ZRANB3: variants seen among roughly 807,000 people sequenced by gnomAD.
ZRANB3 encodes the protein zinc finger RANBP2-type containing 3.
In ZRANB3, 125 loss-of-function variants were observed where a neutral mutation model predicts 133.8. That is an observed-to-expected ratio of 0.93 (90% CI 0.81 to 1.08). The LOEUF (loss-of-function observed/expected upper bound fraction) is 1.08. ZRANB3 is among the 50% of genes least tolerant of loss of function. The pLI, the probability that ZRANB3 is intolerant of heterozygous loss-of-function variation, is 0.00. For missense variants in ZRANB3, 1,229 were observed against 1,275.5 expected (o/e 0.96, Z 0.56); for synonymous variants, 387 against 432.7 (o/e 0.89, Z 1.31).
intron 10 of ZRANB3, chr2:135,271,356 CAA>C (rs771405873): frequency 6.4e-6 from 3 of 471,786 alleles, no homozygotes; most frequent in African/African-American, 6.0e-5. Flanking sequence ...AGTCCTGAGA[CAA>C]GAGTTCTTTT....
At chr2:135,350,513 G>T (rs1000751677) in intron 4 of ZRANB3, among the ~76,000 whole-genome samples, 1 of 152,154 alleles carries the variant, frequency 6.6e-6, no homozygotes, top group Non-Finnish European at 1.5e-5. Flanking sequence ...TATGCACCTA[G>T]GATCATGCAT....
intron 8 of ZRANB3, among the ~76,000 whole-genome samples, chr2:135,306,220 T>C (rs1362140076): frequency 3.3e-5 from 5 of 152,180 alleles, no homozygotes; most frequent in Non-Finnish European, 7.4e-5. Context: ...ATTTAAATAT[T>C]TGGACACTTT....
chr2:135,332,798 C>T (rs1684208536), intron 6 of ZRANB3, among the ~76,000 whole-genome samples: 1 of 152,216 alleles, frequency 6.6e-6, no homozygotes, highest in Admixed American at 6.5e-5. Flanking sequence ...AGTCAACTGA[C>T]TCCTCTAATT....
chr2:135,372,825 C>A (rs1032236367), intron 3 of ZRANB3, among the ~76,000 whole-genome samples: 1 of 148,364 alleles, frequency 6.7e-6, no homozygotes, highest in East Asian at 2.0e-4. Flanking sequence ...GTGGATCACA[C>A]GGATAATCCT....
intron 1 of ZRANB3, among the ~76,000 whole-genome samples, chr2:135,529,544 C>A (rs536254546): frequency 1.3e-5 from 2 of 152,002 alleles, no homozygotes; most frequent in Non-Finnish European, 2.9e-5. Context: ...CTCTGTCACC[C>A]GAGGCTGGAG....
chr2:135,271,931 T>C, intron 9 of ZRANB3, 44 bp from the exon 10 acceptor site: 2 of 1,539,160 alleles, frequency 1.3e-6, no homozygotes, highest in Non-Finnish European at 1.7e-6. Flanking sequence ...CAAGGCCCTA[T>C]GTACCCATCT....
Position 135,430,951 on chromosome 2 carries a change from T to C in ZRANB3, c.162-40131A>G, listed in dbSNP as rs148738750. Among the ~76,000 whole-genome samples the C allele has an allele frequency of 1.4e-3, 215 of 152,174 alleles. 1 individual carries two copies. Among genetic ancestry groups the C allele is most frequent in the African/African-American group, 5.0e-3 (209 of 41,538 alleles). On this transcript the variant is annotated intron_variant, in intron 2 of 20. Transcript: ENST00000264159. The stretch of plus-strand genomic sequence containing the variant: ...AAACACAGATCTATATGTAAAACTA[T>C]AGCAAAAACGGTACAACTTGTGAAA...
intron 8 of ZRANB3, among the ~76,000 whole-genome samples, chr2:135,301,115 A>G (rs1234024606): frequency 6.6e-6 from 1 of 151,806 alleles, no homozygotes; most frequent in Non-Finnish European, 1.5e-5. Context: ...GGCTCAAGTG[A>G]TCCTTCCACC....
intron 11 of ZRANB3, 54 bp downstream of exon 11, chr2:135,268,908 T>C: frequency 1.3e-6 from 2 of 1,505,132 alleles, no homozygotes; most frequent in Non-Finnish European, 1.8e-6. Flanking sequence ...TAACTCACAT[T>C]GGCTATGGTT....
intron 15 of ZRANB3, among the ~76,000 whole-genome samples, chr2:135,219,848 C>G (rs1412063652): frequency 6.6e-6 from 1 of 152,114 alleles, no homozygotes; most frequent in South Asian, 2.1e-4. Context: ...TCCCATCAAT[C>G]GGTGCACAAC....
chr2:135,209,007 C>T, intron 17 of ZRANB3, 29 bp from the exon 18 acceptor site: 1 of 1,588,026 alleles, frequency 6.3e-7, no homozygotes, highest in South Asian at 1.1e-5. Context: ...AAATAGATTC[C>T]CTCTATCTCA....
intron 2 of ZRANB3, among the ~76,000 whole-genome samples, chr2:135,471,070 G>A (rs568982223): frequency 9.3e-5 from 14 of 150,978 alleles, no homozygotes; most frequent in African/African-American, 3.4e-4. Flanking sequence ...CAAAGTGCTG[G>A]GATTACAGGG....
chr2:135,263,109 C>A (rs187764114), intron 12 of ZRANB3, among the ~76,000 whole-genome samples: 20 of 152,224 alleles, frequency 1.3e-4, no homozygotes, highest in African/African-American at 4.8e-4. Flanking sequence ...CATATCCATT[C>A]TTCTCTCCCA....
chr2:135,242,987 C>T (rs1695615557), intron 12 of ZRANB3, among the ~76,000 whole-genome samples: 1 of 152,132 alleles, frequency 6.6e-6, no homozygotes, highest in Admixed American at 6.5e-5. Flanking sequence ...GTATCTCATT[C>T]TTGGCTTACA....
chr2:135,501,573 A>G (rs1287616558), intron 2 of ZRANB3, among the ~76,000 whole-genome samples: 2 of 152,132 alleles, frequency 1.3e-5, no homozygotes, highest in African/African-American at 4.8e-5. Flanking sequence ...CGTTCCCTAA[A>G]GCTTTTCTTT....
intron 6 of ZRANB3, among the ~76,000 whole-genome samples, chr2:135,334,854 C>A (rs1489281552): frequency 6.6e-6 from 1 of 151,982 alleles, no homozygotes; most frequent in Non-Finnish European, 1.5e-5. Context: ...GAGATCGCAC[C>A]ACTGCACTCC....
chr2:135,434,807 A>C (rs887505755), intron 2 of ZRANB3, among the ~76,000 whole-genome samples: 1 of 152,206 alleles, frequency 6.6e-6, no homozygotes, highest in African/African-American at 2.4e-5. Flanking sequence ...TTAAAACTAC[A>C]CATGGAGTTT....
chr2:135,430,558 T>C (rs984575827), intron 2 of ZRANB3, among the ~76,000 whole-genome samples: 22 of 152,074 alleles, frequency 1.4e-4, no homozygotes, highest in African/African-American at 5.1e-4. Context: ...TAGGAAGTAA[T>C]CTTGTTTTAG....
chr2:135,346,109 G>C (rs1422739139), intron 5 of ZRANB3, among the ~76,000 whole-genome samples: 1 of 151,968 alleles, frequency 6.6e-6, no homozygotes, highest in Non-Finnish European at 1.5e-5. Context: ...TTTGTTTTTT[G>C]TTTTTGAGAC....
Sources: allele counts gnomAD v4.1 joint callset (sites outside exome capture counted in the v4.1 genomes callset), GRCh38; gene constraint gnomAD v4.1.1; transcripts MANE v1.5; gene names NCBI Gene and HGNC (gene_info 2026-07-23, HGNC 2026-07-21).